Variants in BIRC6 observed in about 807,000 individuals in gnomAD.
The protein encoded by BIRC6 is baculoviral IAP repeat containing 6, also known as dual E2 ubiquitin-conjugating enzyme/E3 ubiquitin-protein ligase BIRC6.
Under a neutral mutation model 503.3 loss-of-function variants are expected in BIRC6, and 98 were observed. The ratio of observed to expected loss-of-function variants is 0.19; its 90% CI spans 0.17 to 0.23. The LOEUF (loss-of-function observed/expected upper bound fraction) is 0.23, where lower values mean the gene tolerates loss of function less well. Among genes scored for constraint, BIRC6 ranks in the 10% least tolerant of loss-of-function variants. The probability of loss-of-function intolerance (pLI) is 1.00; values close to 1 mark genes in which losing one functional copy is unlikely to be tolerated. For synonymous variants in BIRC6, 2,240 were observed against 2,078.7 expected (o/e 1.08, Z -2.11); for missense variants, 5,360 against 5,806.0 (o/e 0.92, Z 2.50).
chr2:32,414,960 C>G lies in BIRC6; in HGVS notation c.1669C>G (p.Gln557Glu), dbSNP rs200482524. 13 of 1,613,746 alleles carry G rather than the reference C, an allele frequency of 8.1e-6. No homozygotes were observed. Among genetic ancestry groups the G allele is most frequent in the Non-Finnish European group, 1.1e-5 (13 of 1,179,846 alleles). ...SKSEKTKEKH[Q>E]EQHNIPFPCL... ...GAGTGAAAAGACAAAGGAAAAGCAC[C>G]AGGAGCAACACAACATTCCTTTTCC... The change falls in exon 10 of 74, where the codon CAG becomes GAG. Residue 557 changes from glutamine (Q) to glutamate (E), a missense_variant. Around this residue, in one of 16 missense-constraint regions of BIRC6, gnomAD observed 700 missense variants for 739.3 expected, o/e 0.95. Coordinates refer to ENST00000421745, the MANE Select transcript of BIRC6 (RefSeq NM_016252.4).
chr2:32,367,959 T>C (rs1016940490), intron 1 of BIRC6, among the ~76,000 whole-genome samples: 7 of 152,220 alleles, frequency 4.6e-5, no homozygotes, highest in African/African-American at 1.7e-4. Context: ...AATGTCTTCT[T>C]CAAGATTTAT....
rs1327819550 is a variant in BIRC6 at position 32,384,377 on chromosome 2, GA to G, written c.645+4088del. Among the ~76,000 whole-genome samples, 53 of 149,754 alleles carry G rather than the reference GA, an allele frequency of 3.5e-4. 1 individual carries two copies. The highest frequency in any genetic ancestry group is 1.3e-3 in the African/African-American group (51 of 40,502). On this transcript the variant is annotated intron_variant, in intron 3 of 73. Coordinates refer to ENST00000421745, the MANE Select transcript of BIRC6 (RefSeq NM_016252.4). ...TACACAGTAAGACCAGTGGAAAAAA[GA>G]TTTTTTTTTTTTTTTGCTTTGAAAT...
intron 3 of BIRC6, among the ~76,000 whole-genome samples, chr2:32,382,993 G>C (rs1471916945): frequency 6.7e-6 from 1 of 150,078 alleles, no homozygotes; most frequent in Non-Finnish European, 1.5e-5. Flanking sequence ...AAATGCTGGG[G>C]TTACAGGTGT....
At chr2:32,518,768 T>C (rs1204162703) in intron 56 of BIRC6, 49 bp from the exon 57 acceptor site, 2 of 1,572,008 alleles carry the variant, frequency 1.3e-6, no homozygotes, top group Admixed American at 3.4e-5. Context: ...TATAACAATA[T>C]GTATTCCAAA....
At chr2:32,529,590 A>G in intron 59 of BIRC6, 61 bp from the exon 60 acceptor site, 1 of 1,398,952 alleles carries the variant, frequency 7.1e-7, no homozygotes, top group Non-Finnish European at 9.5e-7. Flanking sequence ...GCAGATAATA[A>G]TTAAACCAAG....
chr2:32,600,017 C>T (rs183326922), intron 70 of BIRC6, 117 bp downstream of exon 70: 4 of 897,852 alleles, frequency 4.5e-6, no homozygotes, highest in Non-Finnish European at 6.7e-6. Context: ...TTTCTTTGTA[C>T]TTCTCTTCCC....
chr2:32,505,029 C>G lies in BIRC6; in HGVS notation c.9524C>G (p.Thr3175Ser), dbSNP rs1422015773. Residue 3175 changes from threonine (T) to serine (S), a missense_variant, in exon 50 of 74, where the codon ACT (threonine) becomes AGT (serine). Coordinates refer to ENST00000421745, the MANE Select transcript of BIRC6 (RefSeq NM_016252.4). The part of the protein sequence containing the change: ...PLGTITSSSP[T>S]AQPAEVLLQA... ...GGTACAATCACATCTAGCAGTCCTA[C>G]TGCCCAACCAGCTGAAGTGCTATTG... 1 of 1,613,736 alleles carries G rather than the reference C, an allele frequency of 6.2e-7. No homozygotes were observed. Among genetic ancestry groups the G allele is most frequent in the Non-Finnish European group, 8.5e-7 (1 of 1,179,760 alleles).
rs1364779446 is a variant in BIRC6, at chr2:32,448,922, C to G, written c.4612C>G (p.Leu1538Val). Residue 1538 changes from leucine (L) to valine (V), a missense_variant, in exon 22 of 74, where the codon CTT (leucine) becomes GTT (valine). Leu to Val is a conservative substitution (Grantham distance 32). Coordinates refer to ENST00000421745, the MANE Select transcript of BIRC6 (RefSeq NM_016252.4). ...QSDEIDLSDV[L>V]SGNGKVSSCT... ...AGATGAAATTGATTTATCAGATGTC[C>G]TTTCAGGTAGTGATTTCTTTTATTA... is the stretch of plus-strand genomic sequence containing the variant. 5 of 1,608,760 alleles carry G rather than the reference C, an allele frequency of 3.1e-6. No individual in the cohort carries two copies. The highest frequency in any genetic ancestry group is 4.2e-6 in the Non-Finnish European group (5 of 1,178,474).
In BIRC6 at chr2:32,499,735, C is replaced by T; in HGVS notation, c.8657C>T (p.Ser2886Phe). Residue 2886 changes from serine (S) to phenylalanine (F), a missense_variant, in exon 46 of 74, where the codon TCC becomes TTC. This residue lies in a region of BIRC6 where 2,299 missense variants were observed against 2,267.2 expected (regional missense o/e 1.01). Coordinates refer to ENST00000421745, the MANE Select transcript of BIRC6 (RefSeq NM_016252.4). ...ATGTCAAGAAGTGGATCAGATAGCT[C>T]CGTGGGTGCTCGAGCATGCTTTGGG... is the stretch of plus-strand genomic sequence containing the variant. ...KVMSRSGSDS[S>F]VGARACFGGL... 6.2e-7 allele frequency: 1 copy of T among 1,613,998 alleles called. No individual in the cohort carries two copies. The highest frequency in any genetic ancestry group is 8.5e-7 in the Non-Finnish European group (1 of 1,179,872).
At chr2:32,488,961 A>G (rs961885349) in intron 42 of BIRC6, among the ~76,000 whole-genome samples, 10 of 151,958 alleles carry the variant, frequency 6.6e-5, no homozygotes, top group African/African-American at 2.4e-4. Flanking sequence ...AAAATTTACA[A>G]TGTTCTGTTA....
intron 65 of BIRC6, among the ~76,000 whole-genome samples, chr2:32,556,730 C>T (rs1194923713): frequency 6.6e-6 from 1 of 152,074 alleles, no homozygotes; most frequent in African/African-American, 2.4e-5. Context: ...GGGTGGATCA[C>T]CTGAGGTCAG....
chr2:32,475,919 TTCTC>T (rs922225395), intron 33 of BIRC6, among the ~76,000 whole-genome samples: 2 of 152,078 alleles, frequency 1.3e-5, no homozygotes, highest in Admixed American at 6.5e-5. Flanking sequence ...GTAAATTTTT[TTCTC>T]TCTATTAAAA....
At chr2:32,358,418 T>G (rs1264389805) in intron 1 of BIRC6, among the ~76,000 whole-genome samples, 2 of 152,176 alleles carry the variant, frequency 1.3e-5, no homozygotes, top group African/African-American at 4.8e-5. Flanking sequence ...GGAGTGGTTT[T>G]GGAATGGCCC....
chr2:32,517,788 C>T (rs892189208), intron 55 of BIRC6, among the ~76,000 whole-genome samples: 1 of 151,888 alleles, frequency 6.6e-6, no homozygotes, highest in African/African-American at 2.4e-5. Flanking sequence ...CACCACGTTG[C>T]CTAGGCTGGT....
intron 10 of BIRC6, among the ~76,000 whole-genome samples, chr2:32,424,228 T>C (rs1457200318): frequency 6.6e-6 from 1 of 151,520 alleles, no homozygotes; most frequent in East Asian, 1.9e-4. Context: ...AAATTTATCA[T>C]ATGTGTGTGT....
At position 32,477,513 on chromosome 2, in the gene BIRC6, A is replaced by G. The variant is rs773897719; in HGVS notation, c.6998A>G (p.Gln2333Arg). The change falls in exon 35 of 74, where the codon CAG becomes CGG. Residue 2333 changes from glutamine to arginine, a missense_variant. Gln to Arg is a conservative substitution (Grantham distance 43, BLOSUM62 1). This residue lies in a region of BIRC6 where 2,299 missense variants were observed against 2,267.2 expected (regional missense o/e 1.01). Coordinates refer to ENST00000421745, the MANE Select transcript of BIRC6 (RefSeq NM_016252.4). Reference sequence around the variant, plus strand: ...CATGAGCGTTGTATCTCAGTAGTCCAGAAACTTGTTCTGTTTCTTCTCTCC... The same window carrying G: ...CATGAGCGTTGTATCTCAGTAGTCCGGAAACTTGTTCTGTTTCTTCTCTCC... Reference protein sequence around the residue: ...LAHERCISVVQKLVLFLLSMD... With the variant: ...LAHERCISVVRKLVLFLLSMD... The G allele has an allele frequency of 1.9e-6, 3 of 1,613,882 alleles. No homozygotes were observed. The highest frequency in any genetic ancestry group is 1.3e-5 in the African/African-American group (1 of 74,922).
chr2:32,434,960 A>G (rs953357339), intron 13 of BIRC6, among the ~76,000 whole-genome samples: 18 of 152,252 alleles, frequency 1.2e-4, no homozygotes, highest in Non-Finnish European at 2.6e-4. Flanking sequence ...ATAAGGTTAT[A>G]TACAAATATT....
intron 61 of BIRC6, among the ~76,000 whole-genome samples, chr2:32,533,563 G>A (rs2056951991): frequency 6.6e-6 from 1 of 152,218 alleles, no homozygotes; most frequent in South Asian, 2.1e-4. Context: ...AGCCAAGAGT[G>A]AGGCTGGACA....
intron 34 of BIRC6, among the ~76,000 whole-genome samples, chr2:32,476,805 T>G (rs2049817552): frequency 6.6e-6 from 1 of 152,314 alleles, no homozygotes; most frequent in South Asian, 2.1e-4. Context: ...GGTCCAGTGG[T>G]GCTCACAAGG....
Sources: allele counts gnomAD v4.1 joint callset (sites outside exome capture counted in the v4.1 genomes callset), GRCh38; gene constraint gnomAD v4.1.1; regional missense constraint gnomAD v4.1.1; transcripts MANE v1.5; gene names NCBI Gene and HGNC (gene_info 2026-07-23, HGNC 2026-07-21).